Variants in CSMD1 observed in about 807,000 individuals in gnomAD.
CSMD1 encodes CUB and Sushi multiple domains 1.
A neutral mutation model predicts 417.5 loss-of-function variants in CSMD1; 213 were observed. That is an observed-to-expected ratio of 0.51 (90% CI 0.46 to 0.57). The LOEUF (loss-of-function observed/expected upper bound fraction) is 0.57, where lower values mean the gene tolerates loss of function less well. Among genes scored for constraint, CSMD1 ranks in the 20% least tolerant of loss-of-function variants. The probability of loss-of-function intolerance (pLI) is 0.00; values close to 1 mark genes in which losing one functional copy is unlikely to be tolerated. For missense variants in CSMD1, 6,923 were observed against 4,529.7 expected (o/e 1.53, Z -15.17); for synonymous variants, 2,862 against 1,736.8 (o/e 1.65, Z -16.11).
At chr8:4,254,568 C>G (rs1187991410) in intron 3 of CSMD1, among the ~76,000 whole-genome samples, 1 of 152,164 alleles carries the variant, frequency 6.6e-6, no homozygotes, top group Non-Finnish European at 1.5e-5. Context: ...CAGTCATGTC[C>G]TAAGCCTTCA....
chr8:3,444,450 A>AC (rs1196129941), intron 12 of CSMD1, among the ~76,000 whole-genome samples: 2 of 152,190 alleles, frequency 1.3e-5, no homozygotes, highest in Non-Finnish European at 2.9e-5. Flanking sequence ...AATAAAAGAA[A>AC]TTACTGTAGA....
chr8:4,211,539 G>A (rs62501368), intron 3 of CSMD1, among the ~76,000 whole-genome samples: 13,974 of 152,132 alleles, frequency 0.092, 906 homozygotes, highest in African/African-American at 0.17. Context: ...GTATACTTTT[G>A]AGCATTCCAA....
chr8:4,549,667 T>C (rs553522125), intron 2 of CSMD1, among the ~76,000 whole-genome samples: 102 of 151,974 alleles, frequency 6.7e-4, no homozygotes, highest in African/African-American at 2.4e-3. Flanking sequence ...GGCAGGAAGA[T>C]CACTTGAGTT....
intron 37 of CSMD1, among the ~76,000 whole-genome samples, chr8:3,179,052 A>G (rs368601973): frequency 1.9e-4 from 28 of 148,778 alleles, no homozygotes; most frequent in Non-Finnish European, 3.4e-4. Flanking sequence ...GGTTCACGCC[A>G]TTCTCCTGCC....
At chr8:4,625,880 C>G (rs774575643) in intron 2 of CSMD1, among the ~76,000 whole-genome samples, 1 of 152,026 alleles carries the variant, frequency 6.6e-6, no homozygotes, top group South Asian at 2.1e-4. Flanking sequence ...CACACCCCCA[C>G]GCCTGGCTAA....
rs527590943 is a variant in CSMD1 at position 3,509,110 on chromosome 8, T to A, written c.1345-15384A>T. 9.9e-5 allele frequency among the ~76,000 whole-genome samples: 15 copies of A among 152,266 alleles called. No homozygotes were observed. In the South Asian group the frequency reaches 3.1e-3, roughly 32 times the overall value. On this transcript the variant is annotated intron_variant, in intron 10 of 69. Transcript: ENST00000635120. ...GGGGACAAAATTAATGCGTGCTCAG[T>A]AGGATTCTTATGAGAATTTACTCTA...
At position 4,383,796 on chromosome 8, in the gene CSMD1, A is replaced by G. The variant is rs528206343; in HGVS notation, c.415+36157T>C. 6.6e-5 allele frequency among the ~76,000 whole-genome samples: 10 copies of G among 152,354 alleles called. 1 individual carries two copies. In the South Asian group the frequency reaches 2.1e-3, roughly 32 times the overall value. On this transcript the variant is annotated intron_variant, in intron 3 of 69. Coordinates refer to ENST00000635120, the MANE Select transcript of CSMD1 (RefSeq NM_033225.6). ...ACCATTTTTTCAAGTGTCAAATGCTACATATATAATACCAAATTATTGTGA... is the reference window on the plus strand; with the variant it reads ...ACCATTTTTTCAAGTGTCAAATGCTGCATATATAATACCAAATTATTGTGA...
At chr8:4,046,850 T>G (rs1055915971) in intron 3 of CSMD1, among the ~76,000 whole-genome samples, 2 of 152,170 alleles carry the variant, frequency 1.3e-5, no homozygotes, top group African/African-American at 4.8e-5. Context: ...ATTATTTCCC[T>G]GAATTCTTCC....
At chr8:3,307,068 A>C (rs925437404) in intron 25 of CSMD1, among the ~76,000 whole-genome samples, 3 of 152,146 alleles carry the variant, frequency 2.0e-5, no homozygotes. Flanking sequence ...CCATCCCTGC[A>C]CACAAGTCTT....
intron 5 of CSMD1, among the ~76,000 whole-genome samples, chr8:3,874,557 A>G (rs967051210): frequency 6.6e-6 from 1 of 152,146 alleles, no homozygotes; most frequent in Non-Finnish European, 1.5e-5. Flanking sequence ...TCTTAGGGAG[A>G]TGTTGCTGCC....
intron 23 of CSMD1, among the ~76,000 whole-genome samples, chr8:3,338,289 T>C (rs1017790555): frequency 1.3e-5 from 2 of 152,206 alleles, no homozygotes; most frequent in African/African-American, 4.8e-5. Flanking sequence ...CATGCGTGGG[T>C]GCTGGGCGTT....
rs1377665114 is a variant in CSMD1 at position 4,764,889 on chromosome 8, A to AAAAAAAC, written c.86-127332_86-127331insGTTTTTT. ...CTCCATCTCAAAAAAAAAAAAAAAA[A>AAAAAAAC]AAAAACAACAACAACAAAAAAAAAC... On this transcript the variant is annotated intron_variant, in intron 1 of 69. Transcript: ENST00000635120. Among the ~76,000 whole-genome samples the AAAAAAAC allele has an allele frequency of 5.1e-3, 203 of 39,984 alleles. 2 individuals are homozygous for AAAAAAAC. The highest frequency in any genetic ancestry group is 0.019 in the African/African-American group (198 of 10,700). 26.2% of individuals were successfully genotyped at this position (39,984 alleles called of 152,430 possible).
At chr8:3,681,169 G>A (rs936655109) in intron 7 of CSMD1, among the ~76,000 whole-genome samples, 1 of 152,144 alleles carries the variant, frequency 6.6e-6, no homozygotes, top group South Asian at 2.1e-4. Context: ...ATTCAACATA[G>A]TGTTGGAAGT....
chr8:3,197,666 A>G (rs6558734), intron 33 of CSMD1, among the ~76,000 whole-genome samples: 124,768 of 147,300 alleles, frequency 0.85, 53,213 homozygotes, highest in Non-Finnish European at 0.92. Context: ...GGGTTTCACC[A>G]TGTTAGCCAG....
intron 21 of CSMD1, among the ~76,000 whole-genome samples, chr8:3,352,127 C>A (rs1275055009): frequency 1.3e-5 from 2 of 152,158 alleles, no homozygotes; most frequent in Non-Finnish European, 2.9e-5. Flanking sequence ...GTGTTGGCAT[C>A]TCCAAAGGCC....
At chr8:4,099,582 A>G (rs370511445) in intron 3 of CSMD1, among the ~76,000 whole-genome samples, 3 of 152,062 alleles carry the variant, frequency 2.0e-5, no homozygotes, top group East Asian at 1.9e-4. Context: ...ATATCAATCA[A>G]TCAAACTGTT....
chr8:3,532,186 C>T (rs117397349), intron 10 of CSMD1, among the ~76,000 whole-genome samples: 2 of 152,260 alleles, frequency 1.3e-5, no homozygotes, highest in East Asian at 3.9e-4. Context: ...CTGCTCTAAA[C>T]CTCACCCTTA....
chr8:4,910,291 C>T (rs543248750), intron 1 of CSMD1, among the ~76,000 whole-genome samples: 50 of 152,196 alleles, frequency 3.3e-4, no homozygotes, highest in Non-Finnish European at 5.7e-4. Context: ...ACGCATATAT[C>T]TTGATTTATA....
intron 62 of CSMD1, among the ~76,000 whole-genome samples, chr8:2,959,047 A>G (rs1803247079): frequency 6.6e-6 from 1 of 152,252 alleles, no homozygotes; most frequent in Non-Finnish European, 1.5e-5. Flanking sequence ...AGCTAATTTA[A>G]GATTCAATGA....
Sources: gnomAD v4.1 joint callset for allele counts (sites outside exome capture counted in the v4.1 genomes callset) on GRCh38, gnomAD v4.1.1 for gene constraint, MANE v1.5 for transcripts, NCBI Gene and HGNC (gene_info 2026-07-23, HGNC 2026-07-21) for gene names.